The following ALDH7A1 variants were observed in gnomAD, a reference collection of about 807,000 sequenced individuals.
ALDH7A1 encodes aldehyde dehydrogenase 7 family member A1, also known as alpha-aminoadipic semialdehyde dehydrogenase.
Under a neutral mutation model 79.9 loss-of-function variants are expected in ALDH7A1, and 63 were observed. That is an observed-to-expected ratio of 0.79 (90% CI 0.64 to 0.97). ALDH7A1 has a LOEUF of 0.97. ALDH7A1 is among the 50% of genes least tolerant of loss of function. The pLI is 0.00. For missense variants in ALDH7A1, 627 were observed against 665.2 expected, an observed-to-expected ratio of 0.94 and a Z score of 0.63; for synonymous variants, 240 against 231.2, an observed-to-expected ratio of 1.04 and a Z score of -0.34.
At chr5:126,567,599 C>T (rs1172397609) in intron 9 of ALDH7A1, among the ~76,000 whole-genome samples, 1 of 148,058 alleles carries the variant, frequency 6.8e-6, no homozygotes, top group African/African-American at 2.5e-5. Flanking sequence ...TCAGCCTCCC[C>T]AGTAGCTGGG....
intron 13 of ALDH7A1, among the ~76,000 whole-genome samples, chr5:126,553,096 C>T (rs1750061379): frequency 6.6e-6 from 1 of 151,982 alleles, no homozygotes; most frequent in Admixed American, 6.6e-5. Flanking sequence ...TATTCCTTGC[C>T]TTAACTGACT....
chr5:126,593,488 A>G (rs1451487169), intron 1 of ALDH7A1, 84 bp from the exon 2 acceptor site: 1 of 1,577,562 alleles, frequency 6.3e-7, no homozygotes, highest in East Asian at 2.2e-5. Flanking sequence ...GAAGAAAAAC[A>G]AGAGAGGAAA....
intron 10 of ALDH7A1, among the ~76,000 whole-genome samples, chr5:126,560,396 G>A (rs1373908350): frequency 2.0e-5 from 3 of 152,132 alleles, no homozygotes; most frequent in Non-Finnish European, 2.9e-5. Flanking sequence ...GCTTGAACCT[G>A]GGAGGTGGAG....
rs543581631 is a variant in ALDH7A1 at position 126,554,947 on chromosome 5, G to C, written c.1094-554C>G. On this transcript the variant is annotated intron_variant, in intron 12 of 17. Coordinates refer to ENST00000409134, the MANE Select transcript of ALDH7A1 (RefSeq NM_001182.5). ...TGTAGGTAGGCCTCTATGAGGAGGA[G>C]GCATGTTAGCAGAGCCATCCCCACT... 36 of 182,734 alleles carry C rather than the reference G, an allele frequency of 2.0e-4. 1 individual carries two copies. In the South Asian group the frequency reaches 2.2e-3, roughly 11 times the overall value. The allele number at this position is 182,734 out of a possible 1,614,324, so 11.3% of individuals were successfully genotyped here.
chr5:126,549,348 T>TA (rs1267101233), intron 16 of ALDH7A1, among the ~76,000 whole-genome samples: 3 of 151,866 alleles, frequency 2.0e-5, no homozygotes, highest in East Asian at 3.8e-4. Flanking sequence ...CTTCTATATT[T>TA]AAAAAAAACA....
intron 9 of ALDH7A1, 85 bp downstream of exon 9, chr5:126,568,174 T>C (rs1750654234): frequency 1.5e-6 from 2 of 1,323,762 alleles, no homozygotes; most frequent in Non-Finnish European, 2.2e-6. Flanking sequence ...ATGGAAAAGG[T>C]TGAGGGGAAA....
chr5:126,579,009 TGGCAGGGCCTGC>T (rs574969577), intron 5 of ALDH7A1, among the ~76,000 whole-genome samples: 3,117 of 152,230 alleles, frequency 0.02, 103 homozygotes, highest in African/African-American at 0.062. Context: ...TGCCTCTTCC[TGGCAGGGCCTGC>T]CTCCTCCTCT....
chr5:126,546,854 A>C (rs1042686395), intron 16 of ALDH7A1, among the ~76,000 whole-genome samples: 1 of 152,236 alleles, frequency 6.6e-6, no homozygotes, highest in Non-Finnish European at 1.5e-5. Flanking sequence ...ATAGAAATAC[A>C]TTAAGAAAAT....
intron 8 of ALDH7A1, chr5:126,569,511 G>A (rs1004958242): frequency 1.1e-4 from 17 of 152,190 alleles, no homozygotes; most frequent in African/African-American, 3.6e-4. Context: ...TCAGTCTAAC[G>A]TAGGGCTGGA....
rs186716531 is a variant in ALDH7A1 at position 126,562,708 on chromosome 5, C to T, written c.872-1584G>A. Among the ~76,000 whole-genome samples, 64 of 152,116 alleles carry T rather than the reference C, an allele frequency of 4.2e-4. 1 individual carries two copies. The highest frequency in any genetic ancestry group is 1.4e-3 in the African/African-American group (59 of 41,532). On this transcript the variant is annotated intron_variant, in intron 9 of 17. Transcript: ENST00000409134. The stretch of plus-strand genomic sequence containing the variant: ...ACTAAAAACACAAAAATTAGCTGGG[C>T]GTGGTGGCGGATGCCTGTAATCCCA...
intron 1 of ALDH7A1, chr5:126,594,167 T>G: frequency 2.1e-6 from 1 of 470,730 alleles, no homozygotes; most frequent in Non-Finnish European, 4.4e-6. Flanking sequence ...GGCGCGGTGT[T>G]AAGCCCTGGG....
At position 126,593,308 on chromosome 5, in the gene ALDH7A1, AACACACACACACACACACACAC is replaced by A. The variant is rs142510783; in HGVS notation, c.246+21_246+42del. 39 of 1,545,986 alleles carry A rather than the reference AACACACACACACACACACACAC, an allele frequency of 2.5e-5. No homozygotes were observed. The highest frequency in any genetic ancestry group is 3.2e-5 in the Non-Finnish European group (37 of 1,138,994). On this transcript the variant is annotated intron_variant, in intron 2 of 17. Transcript: ENST00000409134. ...AACTCCTTGTGTATAATTTGAATTA[AACACACACACACACACACACAC>A]ACACACACACACACTCTTACCTGTC...
chr5:126,567,456 A>G (rs1750622821), intron 9 of ALDH7A1, among the ~76,000 whole-genome samples: 1 of 152,156 alleles, frequency 6.6e-6, no homozygotes, highest in South Asian at 2.1e-4. Flanking sequence ...CCATTTAGAG[A>G]GAAAATGACT....
Position 126,571,150 on chromosome 5 carries a change from A to ATTTTTTTTTTTT in ALDH7A1, c.696-303_696-292dup, listed in dbSNP as rs386404930. On this transcript the variant is annotated intron_variant, in intron 7 of 17. Transcript: ENST00000409134. The stretch of plus-strand genomic sequence containing the variant: ...GCCGTTTTCAAAAAACTATTAGCAG[A>ATTTTTTTTTTTT]TTTTTTTTTTTTTTTTTTTTTTTTT... The ATTTTTTTTTTTT allele has an allele frequency of 1.6e-4, 35 of 221,906 alleles. 1 individual carries two copies. The highest frequency in any genetic ancestry group is 8.9e-4 in the African/African-American group (33 of 37,136). The allele number at this position is 221,906 out of a possible 1,614,324, so 13.7% of individuals were successfully genotyped here. A position where few individuals can be genotyped will look rare whatever the true frequency, so the allele number is the denominator to read the frequency against.
At chr5:126,570,945 T>C in intron 7 of ALDH7A1, 86 bp from the exon 8 acceptor site, 1 of 1,286,734 alleles carries the variant, frequency 7.8e-7, no homozygotes, top group Non-Finnish European at 1.1e-6. Context: ...TTGACTCTCC[T>C]TTTTTCAACT....
At chr5:126,574,661 C>T (rs1581385923) in intron 7 of ALDH7A1, among the ~76,000 whole-genome samples, 1 of 151,810 alleles carries the variant, frequency 6.6e-6, no homozygotes, top group East Asian at 1.9e-4. Context: ...CACCACTGGA[C>T]TCCAGCCTGA....
intron 6 of ALDH7A1, among the ~76,000 whole-genome samples, chr5:126,576,183 A>G (rs1750959806): frequency 6.6e-6 from 1 of 151,332 alleles, no homozygotes; most frequent in Non-Finnish European, 1.5e-5. Flanking sequence ...GAATGGCGTG[A>G]ACCTGGGAGG....
chr5:126,549,726 G>C, intron 16 of ALDH7A1: 1 of 624,592 alleles, frequency 1.6e-6, no homozygotes, highest in Non-Finnish European at 2.9e-6. Flanking sequence ...GCTCTAACCT[G>C]ATGCTGCCTC....
intron 10 of ALDH7A1, among the ~76,000 whole-genome samples, chr5:126,560,342 G>A (rs1249415966): frequency 6.6e-6 from 1 of 152,104 alleles, no homozygotes; most frequent in African/African-American, 2.4e-5. Flanking sequence ...ATGGTGGCAT[G>A]CGCCTGTAAT....
Sources: allele counts gnomAD v4.1 joint callset (sites outside exome capture counted in the v4.1 genomes callset), GRCh38; gene constraint gnomAD v4.1.1; transcripts MANE v1.5; gene names NCBI Gene and HGNC (gene_info 2026-07-23, HGNC 2026-07-21).